CACNA2D1: variants seen among roughly 807,000 people sequenced by gnomAD.
CACNA2D1 encodes calcium voltage-gated channel auxiliary subunit alpha2delta 1, also known as voltage-dependent calcium channel subunit alpha-2/delta-1.
Under a neutral mutation model 171.5 loss-of-function variants are expected in CACNA2D1, and 53 were observed. That is an observed-to-expected ratio of 0.31 (90% CI 0.25 to 0.39). CACNA2D1 has a LOEUF of 0.39. CACNA2D1 is among the 10% of genes least tolerant of loss of function. The pLI is 1.00. For missense variants in CACNA2D1, 903 were observed against 1,299.8 expected (o/e 0.69, Z 4.69); for synonymous variants, 442 against 443.1 (o/e 1.00, Z 0.03).
chr7:82,294,764 C>T (rs1812060109), intron 3 of CACNA2D1, among the ~76,000 whole-genome samples: 2 of 152,142 alleles, frequency 1.3e-5, no homozygotes, highest in Middle Eastern at 6.8e-3. Flanking sequence ...AAGTATCAAT[C>T]TTATCATTCT....
Position 82,013,504 on chromosome 7 carries a change from T to A in CACNA2D1, c.1229A>T (p.Tyr410Phe), listed in dbSNP as rs1387435497. ...QWMACENKGYYYEIPSIGAIR... is the reference protein window; with the variant it reads ...QWMACENKGYFYEIPSIGAIR... ...TGCACCAATGGAAGGAATTTCATAA[T>A]AATAACCTGAAATATACATATATGT... Residue 410 changes from tyrosine to phenylalanine, a missense_variant, in exon 14 of 39, where the codon TAT becomes TTT. This residue lies in a region of CACNA2D1 where 623 missense variants were observed against 925.5 expected (regional missense o/e 0.67). Coordinates refer to ENST00000356860, the MANE Select transcript of CACNA2D1 (RefSeq NM_000722.4). 1 of 1,056,200 alleles carries A rather than the reference T, an allele frequency of 9.5e-7. No individual in the cohort carries two copies. The allele number at this position is 1,056,200 out of a possible 1,614,324, so 65.4% of individuals were successfully genotyped here.
rs139716420 is a variant in CACNA2D1 at position 82,051,468 on chromosome 7, A to T, written c.879+8960T>A. On this transcript the variant is annotated intron_variant, in intron 10 of 38. Transcript: ENST00000356860. The stretch of plus-strand genomic sequence containing the variant: ...AGATATAAGGAATTATATTTTGATT[A>T]TTTTTTTTTCTGGTAAAAAATCAAA... Among the ~76,000 whole-genome samples, 245 of 151,496 alleles carry T rather than the reference A, an allele frequency of 1.6e-3. 2 individuals carry two copies. In the East Asian group the frequency reaches 0.018, roughly 11 times the overall value.
intron 4 of CACNA2D1, among the ~76,000 whole-genome samples, chr7:82,140,259 T>C (rs1368169055): frequency 6.6e-6 from 1 of 152,194 alleles, no homozygotes; most frequent in Non-Finnish European, 1.5e-5. Flanking sequence ...GAAGAGAACG[T>C]AGACCTTAGT....
chr7:82,158,473 G>T (rs141935035), intron 4 of CACNA2D1, among the ~76,000 whole-genome samples: 1 of 29,104 alleles, frequency 3.4e-5, no homozygotes, highest in Non-Finnish European at 6.8e-5. Flanking sequence ...TGGAAACCAA[G>T]TTAAAAAAAA....
At chr7:82,192,818 C>A (rs1161679764) in intron 3 of CACNA2D1, among the ~76,000 whole-genome samples, 11 of 150,540 alleles carry the variant, frequency 7.3e-5, no homozygotes, top group African/African-American at 2.2e-4. Flanking sequence ...CACACACACA[C>A]AAACACTATA....
chr7:81,968,216 C>T (rs1388217254), intron 29 of CACNA2D1, among the ~76,000 whole-genome samples: 2 of 151,376 alleles, frequency 1.3e-5, no homozygotes, highest in African/African-American at 4.8e-5. Flanking sequence ...TCCTCAGGAG[C>T]AGGAAGGCTC....
chr7:82,154,619 C>T (rs1034401729), intron 4 of CACNA2D1, among the ~76,000 whole-genome samples: 5 of 151,994 alleles, frequency 3.3e-5, no homozygotes, highest in African/African-American at 4.8e-5. Context: ...ATGGTATGCA[C>T]ACAAAAAATA....
At chr7:82,333,085 T>G (rs919015029) in intron 3 of CACNA2D1, among the ~76,000 whole-genome samples, 1 of 152,114 alleles carries the variant, frequency 6.6e-6, no homozygotes, top group Non-Finnish European at 1.5e-5. Flanking sequence ...TGAAAAAAAT[T>G]TTTAAAGTTT....
chr7:82,340,980 T>A (rs1285286689), intron 2 of CACNA2D1, among the ~76,000 whole-genome samples: 1 of 152,206 alleles, frequency 6.6e-6, no homozygotes, highest in Non-Finnish European at 1.5e-5. Flanking sequence ...AGGGATTCAT[T>A]GTCACCTCTG....
intron 7 of CACNA2D1, among the ~76,000 whole-genome samples, chr7:82,073,415 T>C (rs967177509): frequency 4.6e-5 from 7 of 152,140 alleles, no homozygotes; most frequent in Admixed American, 6.5e-5. Context: ...CATACAAATA[T>C]GTAATTAACT....
chr7:82,250,428 T>C (rs965664765), intron 3 of CACNA2D1, among the ~76,000 whole-genome samples: 1 of 152,204 alleles, frequency 6.6e-6, no homozygotes, highest in Non-Finnish European at 1.5e-5. Context: ...AAATAACATA[T>C]AAAATCTTAT....
At chr7:82,236,083 T>G (rs1803555096) in intron 3 of CACNA2D1, among the ~76,000 whole-genome samples, 1 of 151,982 alleles carries the variant, frequency 6.6e-6, no homozygotes, top group Non-Finnish European at 1.5e-5. Context: ...AGGCTAACAT[T>G]TGGCAAAATT....
At chr7:81,977,654 C>T (rs1365054003) in intron 24 of CACNA2D1, among the ~76,000 whole-genome samples, 4 of 152,144 alleles carry the variant, frequency 2.6e-5, no homozygotes, top group African/African-American at 4.8e-5. Flanking sequence ...AAAATCCAGG[C>T]AATACCATTC....
intron 3 of CACNA2D1, among the ~76,000 whole-genome samples, chr7:82,207,547 A>T (rs1800133167): frequency 6.6e-6 from 1 of 152,016 alleles, no homozygotes; most frequent in Non-Finnish European, 1.5e-5. Context: ...AAAAGTATGC[A>T]TTACTGTTTA....
intron 8 of CACNA2D1, among the ~76,000 whole-genome samples, chr7:82,066,000 A>G (rs1562991526): frequency 6.6e-6 from 1 of 152,178 alleles, no homozygotes; most frequent in Non-Finnish European, 1.5e-5. Context: ...TGAGGAACAA[A>G]TAAGTCTTCA....
At chr7:81,984,779 A>C in intron 21 of CACNA2D1, 68 bp from the exon 22 acceptor site, 5 of 839,096 alleles carry the variant, frequency 6.0e-6, no homozygotes, top group South Asian at 5.8e-5. Flanking sequence ...AAAAAAAGAC[A>C]CATCAAGTTC....
At chr7:82,289,682 A>C (rs1811276488) in intron 3 of CACNA2D1, among the ~76,000 whole-genome samples, 1 of 152,236 alleles carries the variant, frequency 6.6e-6, no homozygotes, top group Admixed American at 6.5e-5. Flanking sequence ...TCTATCAACA[A>C]ATACTTGGCT....
intron 10 of CACNA2D1, among the ~76,000 whole-genome samples, chr7:82,048,377 T>C (rs1255494355): frequency 1.3e-5 from 2 of 152,068 alleles, no homozygotes; most frequent in African/African-American, 4.8e-5. Context: ...GAACAAAACA[T>C]TACAAAGGTG....
chr7:82,297,926 C>G (rs1051309114), intron 3 of CACNA2D1, among the ~76,000 whole-genome samples: 1 of 151,938 alleles, frequency 6.6e-6, no homozygotes, highest in Non-Finnish European at 1.5e-5. Flanking sequence ...AATTTATTGC[C>G]AAGGGGTGGT....
Sources: allele counts gnomAD v4.1 joint callset (sites outside exome capture counted in the v4.1 genomes callset), GRCh38; gene constraint gnomAD v4.1.1; regional missense constraint gnomAD v4.1.1; transcripts MANE v1.5; gene names NCBI Gene and HGNC (gene_info 2026-07-23, HGNC 2026-07-21).